NUDCD3: variants seen among roughly 807,000 people sequenced by gnomAD.
The protein encoded by NUDCD3 is nudC domain-containing protein 3.
In NUDCD3, 13 loss-of-function variants were observed where a neutral mutation model predicts 39.7. The ratio of observed to expected loss-of-function variants is 0.33; its 90% CI spans 0.21 to 0.52. NUDCD3 has a LOEUF of 0.52. NUDCD3 is among the 20% of genes least tolerant of loss of function. The pLI, the probability that NUDCD3 is intolerant of heterozygous loss-of-function variation, is 0.96. For synonymous variants in NUDCD3, 175 were observed against 172.4 expected, an observed-to-expected ratio of 1.02 and a Z score of -0.12; for missense variants, 453 against 458.1, an observed-to-expected ratio of 0.99 and a Z score of 0.10.
At chr7:44,462,353 T>C (rs1307388387) in intron 2 of NUDCD3, among the ~76,000 whole-genome samples, 1 of 152,184 alleles carries the variant, frequency 6.6e-6, no homozygotes, top group East Asian at 1.9e-4. Flanking sequence ...TGAACAAATG[T>C]AACCATAATG....
At chr7:44,395,238 A>T (rs901684165) in intron 4 of NUDCD3, among the ~76,000 whole-genome samples, 3 of 152,240 alleles carry the variant, frequency 2.0e-5, no homozygotes, top group Non-Finnish European at 4.4e-5. Flanking sequence ...CCACCTGTCA[A>T]GTGTTTACTC....
chr7:44,458,489 G>A (rs748116587), intron 2 of NUDCD3, among the ~76,000 whole-genome samples: 6 of 151,994 alleles, frequency 3.9e-5, no homozygotes, highest in Non-Finnish European at 7.4e-5. Flanking sequence ...GTGAAACCCC[G>A]TCTCTATTAA....
chr7:44,400,811 T>C (rs1585054518), intron 4 of NUDCD3, among the ~76,000 whole-genome samples: 1 of 152,224 alleles, frequency 6.6e-6, no homozygotes, highest in East Asian at 1.9e-4. Context: ...TGTCTTCTCC[T>C]GTTTCTTATA....
intron 4 of NUDCD3, among the ~76,000 whole-genome samples, chr7:44,400,676 A>G (rs1798704849): frequency 6.6e-6 from 1 of 152,208 alleles, no homozygotes; most frequent in Non-Finnish European, 1.5e-5. Flanking sequence ...ATGCTCCTGC[A>G]GAGACTCTAG....
intron 3 of NUDCD3, among the ~76,000 whole-genome samples, chr7:44,426,575 T>C (rs1799239766): frequency 6.6e-6 from 1 of 152,038 alleles, no homozygotes; most frequent in South Asian, 2.1e-4. Flanking sequence ...GGCGGGCGGA[T>C]CACGAGGTCA....
At chr7:44,405,992 G>A (rs1027836789) in intron 3 of NUDCD3, among the ~76,000 whole-genome samples, 6 of 152,022 alleles carry the variant, frequency 3.9e-5, no homozygotes, top group African/African-American at 1.2e-4. Context: ...TAGAGACAGG[G>A]GTCTTGCTGT....
At chr7:44,454,403 A>T (rs1428598469) in intron 2 of NUDCD3, among the ~76,000 whole-genome samples, 1 of 152,230 alleles carries the variant, frequency 6.6e-6, no homozygotes, top group Non-Finnish European at 1.5e-5. Flanking sequence ...ACAAGAATAG[A>T]ATGATCTCCT....
chr7:44,429,953 A>G (rs921685177), intron 2 of NUDCD3, among the ~76,000 whole-genome samples: 3 of 152,240 alleles, frequency 2.0e-5, no homozygotes, highest in African/African-American at 7.2e-5. Flanking sequence ...ATAAAACTGA[A>G]AAGTGGGTAT....
chr7:44,400,598 G>A (rs1362220635), intron 4 of NUDCD3, among the ~76,000 whole-genome samples: 2 of 152,202 alleles, frequency 1.3e-5, no homozygotes, highest in Non-Finnish European at 2.9e-5. Flanking sequence ...GGCGATACAA[G>A]GCAATACAAA....
Position 44,452,812 on chromosome 7 carries a change from C to T in NUDCD3, c.510-25109G>A, listed in dbSNP as rs532774590. Among the ~76,000 whole-genome samples the T allele has an allele frequency of 5.1e-4, 78 of 152,312 alleles. 5 individuals are homozygous for T. In the South Asian group the frequency reaches 0.016, roughly 31 times the overall value. ...TCAATTAAGACAGAACTCACACACA[C>T]AAAAGGTTGATATCACTTGGGCCAT... On this transcript the variant is annotated intron_variant, in intron 2 of 5. Transcript: ENST00000355451.
chr7:44,455,994 C>G (rs1312371645), intron 2 of NUDCD3, among the ~76,000 whole-genome samples: 73 of 120,038 alleles, frequency 6.1e-4, no homozygotes, highest in African/African-American at 2.1e-3. Context: ...CCACTGCACT[C>G]CAGCCTGGGC....
At chr7:44,427,363 T>C (rs1170129783) in intron 3 of NUDCD3, among the ~76,000 whole-genome samples, 1 of 149,236 alleles carries the variant, frequency 6.7e-6, no homozygotes, top group Non-Finnish European at 1.5e-5. Flanking sequence ...CAAAGGGAGG[T>C]TTCTGCAGAA....
chr7:44,404,552 C>A lies in NUDCD3; in HGVS notation c.674G>T (p.Arg225Leu), dbSNP rs201065672. 1 of 1,613,974 alleles carries A rather than the reference C, an allele frequency of 6.2e-7. No homozygotes were observed. Among genetic ancestry groups the A allele is most frequent in the East Asian group, 2.2e-5 (1 of 44,872 alleles). ...VSVALSSSSI[R>L]VAMLEENGER... ...CCCATTTTCCTCCAGCATGGCCACA[C>A]GAATGGAGCTGCTGCTAAGGGCCAC... Residue 225 changes from arginine to leucine, a missense_variant, in exon 4 of 6, where the codon CGT (arginine) becomes CTT (leucine). By Grantham distance (102) the Arg-to-Leu change is moderately radical. Transcript: ENST00000355451.
chr7:44,402,702 C>T lies in NUDCD3; in HGVS notation c.786+1738G>A, dbSNP rs764215413. The T allele has an allele frequency of 1.8e-4, 81 of 456,554 alleles. 3 individuals are homozygous for T. The highest frequency in any genetic ancestry group is 1.2e-3 in the South Asian group (80 of 64,552). The allele number at this position is 456,554 out of a possible 1,614,324, so 28.3% of individuals were successfully genotyped here. A position where few individuals can be genotyped will look rare whatever the true frequency, so the allele number is the denominator to read the frequency against. ...GCATCGTGACCTGCTCCATGATCTG[C>T]ACTGAGTTCACCCAACGGAAGGCAG... On this transcript the variant is annotated intron_variant, in intron 4 of 5. Transcript: ENST00000355451.
intron 3 of NUDCD3, among the ~76,000 whole-genome samples, chr7:44,410,144 T>C (rs981850420): frequency 2.0e-5 from 3 of 151,536 alleles, no homozygotes; most frequent in Non-Finnish European, 1.5e-5. Flanking sequence ...ATGAAAAAAA[T>C]TACACCCAAG....
At chr7:44,464,356 C>A (rs1026810409) in intron 2 of NUDCD3, among the ~76,000 whole-genome samples, 1 of 152,086 alleles carries the variant, frequency 6.6e-6, no homozygotes, top group Non-Finnish European at 1.5e-5. Context: ...AGTTAAATTA[C>A]GTTTTTTTCA....
intron 2 of NUDCD3, among the ~76,000 whole-genome samples, chr7:44,451,195 T>G (rs1799788206): frequency 6.6e-6 from 1 of 152,222 alleles, no homozygotes; most frequent in Non-Finnish European, 1.5e-5. Flanking sequence ...TGGATGAACC[T>G]TGAAGGCATT....
intron 3 of NUDCD3, among the ~76,000 whole-genome samples, chr7:44,409,339 G>A (rs761818520): frequency 4.6e-5 from 7 of 152,166 alleles, no homozygotes; most frequent in Non-Finnish European, 8.8e-5. Flanking sequence ...GATCCCAGGA[G>A]TTTAAGGAAA....
At chr7:44,445,505 C>G (rs1366464777) in intron 2 of NUDCD3, among the ~76,000 whole-genome samples, 1 of 152,228 alleles carries the variant, frequency 6.6e-6, no homozygotes, top group Non-Finnish European at 1.5e-5. Flanking sequence ...GGTGCTTGCC[C>G]CTTCTCAACT....
Sources: allele counts gnomAD v4.1 joint callset (sites outside exome capture counted in the v4.1 genomes callset), GRCh38; gene constraint gnomAD v4.1.1; transcripts MANE v1.5; gene names NCBI Gene and HGNC (gene_info 2026-07-23, HGNC 2026-07-21).